NELL2: variants seen among roughly 807,000 people sequenced by gnomAD.
NELL2 encodes the protein neural EGFL like 2, also known as protein kinase C-binding protein NELL2.
NELL2 carries 41 observed loss-of-function variants against 109.6 expected under a neutral mutation model. The observed-to-expected ratio is 0.37, with a 90% confidence interval of 0.29 to 0.49. NELL2 has a LOEUF of 0.49. Among genes scored for constraint, NELL2 ranks in the 20% least tolerant of loss-of-function variants. NELL2 has a pLI of 0.98. For missense variants in NELL2, 900 were observed against 1,008.3 expected, an observed-to-expected ratio of 0.89 and a Z score of 1.45; for synonymous variants, 355 against 344.7, an observed-to-expected ratio of 1.03 and a Z score of -0.33.
At chr12:44,746,252 A>G (rs1940344322) in intron 9 of NELL2, among the ~76,000 whole-genome samples, 1 of 152,240 alleles carries the variant, frequency 6.6e-6, no homozygotes, top group Non-Finnish European at 1.5e-5. Context: ...CATATGTAGA[A>G]AGCTGAAACT....
chr12:44,628,938 G>A (rs1223377354), intron 13 of NELL2, among the ~76,000 whole-genome samples: 3 of 152,130 alleles, frequency 2.0e-5, no homozygotes, highest in African/African-American at 7.2e-5. Context: ...CTTGAGACTA[G>A]TGAATATGCA....
rs991841593 is a variant in NELL2 at position 44,888,841 on chromosome 12, A to T, written c.39-12941T>A. ...AATCATGATACAACTGCCATAAAAT[A>T]AAAAAAAAATAAATAAATAAATAAG... On this transcript the variant is annotated intron_variant, in intron 1 of 20. Transcript: ENST00000333837. Among the ~76,000 whole-genome samples, 9 of 144,726 alleles carry T rather than the reference A, an allele frequency of 6.2e-5. No homozygotes were observed. The East Asian group carries it at 7.9e-4, about 13-fold the overall frequency. The allele number at this position is 144,726 out of a possible 152,430, so 94.9% of individuals were successfully genotyped here.
chr12:44,902,458 G>A (rs1408306886), intron 1 of NELL2, among the ~76,000 whole-genome samples: 2 of 152,142 alleles, frequency 1.3e-5, no homozygotes, highest in Non-Finnish European at 2.9e-5. Flanking sequence ...AATTAATATC[G>A]TGAAAATGGC....
At chr12:44,859,563 G>A (rs764635842) in intron 2 of NELL2, among the ~76,000 whole-genome samples, 24 of 151,930 alleles carry the variant, frequency 1.6e-4, no homozygotes, top group African/African-American at 3.9e-4. Context: ...AAAATAAACA[G>A]GAGACATATC....
intron 13 of NELL2, among the ~76,000 whole-genome samples, chr12:44,630,783 T>C (rs181210415): frequency 6.6e-6 from 1 of 152,236 alleles, no homozygotes; most frequent in Admixed American, 6.5e-5. Flanking sequence ...TAAAAAAGGA[T>C]ACCCCGAGAA....
chr12:44,815,895 C>A, intron 3 of NELL2, 91 bp downstream of exon 3: 3 of 1,408,952 alleles, frequency 2.1e-6, no homozygotes, highest in Non-Finnish European at 2.9e-6. Context: ...AAGAGATATA[C>A]AAGAGAAGAA....
At chr12:44,698,252 G>C (rs1434571315) in intron 12 of NELL2, among the ~76,000 whole-genome samples, 1 of 152,186 alleles carries the variant, frequency 6.6e-6, no homozygotes, top group African/African-American at 2.4e-5. Context: ...ATGTAAATGT[G>C]AGGTGGGGTG....
chr12:44,703,362 G>C (rs971605937), intron 12 of NELL2, among the ~76,000 whole-genome samples: 6 of 152,044 alleles, frequency 3.9e-5, no homozygotes, highest in Non-Finnish European at 5.9e-5. Flanking sequence ...TTAAGTGATT[G>C]CCTTTGTTAC....
At position 44,818,725 on chromosome 12, in the gene NELL2, A is replaced by ATTTTTTTTTT. The variant is rs1409987918; in HGVS notation, c.185-2599_185-2590dup. Among the ~76,000 whole-genome samples the ATTTTTTTTTT allele has an allele frequency of 1.2e-4, 9 of 72,146 alleles. 1 individual carries two copies. Among genetic ancestry groups the ATTTTTTTTTT allele is most frequent in the Non-Finnish European group, 1.8e-4 (7 of 39,390 alleles). 47.3% of individuals were successfully genotyped at this position (72,146 alleles called of 152,430 possible). ...CTGAGAGGCTATATTTTGTTCACTT[A>ATTTTTTTTTT]TTTTTTTTTTTTTATTTTTTTTTTT... On this transcript the variant is annotated intron_variant, in intron 2 of 19. Transcript: ENST00000429094.
upstream of NELL2, chr12:44,880,836 CTTGTTGTTGTTGTTGTTG>C (rs35774965): frequency 1.3e-5 from 2 of 150,766 alleles, no homozygotes; most frequent in African/African-American, 4.9e-5. Flanking sequence ...TTGTTTTGTT[CTTGTTGTTGTTGTTGTTG>C]TTGTTGTTGT....
chr12:44,820,481 C>T (rs1172375061), intron 2 of NELL2, among the ~76,000 whole-genome samples: 1 of 152,038 alleles, frequency 6.6e-6, no homozygotes, highest in East Asian at 1.9e-4. Flanking sequence ...TGGTGATGGG[C>T]GCCTGTAGCC....
chr12:44,510,890 A>C (rs1403052254), intron 19 of NELL2, among the ~76,000 whole-genome samples: 3 of 152,190 alleles, frequency 2.0e-5, no homozygotes, highest in Non-Finnish European at 4.4e-5. Flanking sequence ...AGGTTTTCTG[A>C]CCATAACCAG....
At chr12:44,831,716 C>T (rs1006935140) in intron 2 of NELL2, among the ~76,000 whole-genome samples, 1 of 152,134 alleles carries the variant, frequency 6.6e-6, no homozygotes, top group African/African-American at 2.4e-5. Context: ...AACTGATTGT[C>T]CCCACTCTTC....
chr12:44,731,781 A>C (rs144354417), intron 9 of NELL2, among the ~76,000 whole-genome samples: 87 of 152,174 alleles, frequency 5.7e-4, no homozygotes, highest in African/African-American at 1.9e-3. Context: ...AAGGCATCCA[A>C]ATTAGAAAGG....
intron 3 of NELL2, among the ~76,000 whole-genome samples, chr12:44,809,248 C>G (rs1369268224): frequency 6.6e-6 from 1 of 151,952 alleles, no homozygotes; most frequent in Non-Finnish European, 1.5e-5. Context: ...CAATAAATTT[C>G]TTTTATTTTT....
At chr12:44,646,768 G>A (rs1352350319) in intron 13 of NELL2, among the ~76,000 whole-genome samples, 1 of 152,128 alleles carries the variant, frequency 6.6e-6, no homozygotes, top group African/African-American at 2.4e-5. Flanking sequence ...TGAGTGAATG[G>A]AGTTTACAAA....
intron 1 of NELL2, among the ~76,000 whole-genome samples, chr12:44,886,866 T>G (rs556398508): frequency 6.6e-6 from 1 of 152,146 alleles, no homozygotes; most frequent in South Asian, 2.1e-4. Context: ...TCTGTCTTTA[T>G]GAGATCTATT....
intron 15 of NELL2, among the ~76,000 whole-genome samples, chr12:44,547,753 T>C (rs936330544): frequency 2.0e-5 from 3 of 152,160 alleles, no homozygotes; most frequent in African/African-American, 4.8e-5. Context: ...ACCCCTTCCA[T>C]AGATTCTGTG....
intron 12 of NELL2, among the ~76,000 whole-genome samples, chr12:44,692,132 A>G (rs760933578): frequency 3.9e-5 from 6 of 152,174 alleles, no homozygotes; most frequent in African/African-American, 1.4e-4. Context: ...GTTTCCAAGG[A>G]GAGGTTGACT....
Sources: allele counts gnomAD v4.1 joint callset (sites outside exome capture counted in the v4.1 genomes callset), GRCh38; gene constraint gnomAD v4.1.1; transcripts MANE v1.5; gene names NCBI Gene and HGNC (gene_info 2026-07-23, HGNC 2026-07-21).